UBR4: variants seen among roughly 807,000 people sequenced by gnomAD.
UBR4 encodes E3 ubiquitin-protein ligase UBR4.
UBR4 carries 124 observed loss-of-function variants against 575.6 expected under a neutral mutation model. That is an observed-to-expected ratio of 0.22 (90% CI 0.19 to 0.25). The LOEUF is 0.25. UBR4 is among the 10% of genes least tolerant of loss of function. UBR4 has a pLI of 1.00. For missense variants in UBR4, 4,818 were observed against 6,478.8 expected (o/e 0.74, Z 8.80); for synonymous variants, 2,455 against 2,473.7 (o/e 0.99, Z 0.22).
intron 11 of UBR4, among the ~76,000 whole-genome samples, chr1:19,191,397 C>T (rs141916725): frequency 0.017 from 2,540 of 152,042 alleles, 29 homozygotes; most frequent in Non-Finnish European, 0.027. Flanking sequence ...CTTGAACCCG[C>T]GAAGTGGAGG....
intron 49 of UBR4, among the ~76,000 whole-genome samples, chr1:19,149,977 T>C (rs2085429496): frequency 6.6e-6 from 1 of 152,086 alleles, no homozygotes; most frequent in Non-Finnish European, 1.5e-5. Context: ...TCTTGTGACT[T>C]ACAATGTAAG....
chr1:19,099,738 G>C, intron 89 of UBR4, 61 bp from the exon 90 acceptor site: 1 of 1,470,824 alleles, frequency 6.8e-7, no homozygotes, highest in South Asian at 1.2e-5. Flanking sequence ...TAAAATCCAA[G>C]AGCAAAGGGC....
Position 19,117,519 on chromosome 1 carries a change from A to G in UBR4, c.10630-105T>C. On this transcript the variant is annotated intron_variant, in intron 72 of 105. Transcript: ENST00000375254. The surrounding 1 kb of genome is among the most constrained non-coding windows in gnomAD (Gnocchi z 4.0). ...TCTTCATCCACAAGATGAAGTTTCT[A>G]TTTAATTTTTTAAAAAATATTTTGT... The G allele has an allele frequency of 1.5e-6, 2 of 1,291,446 alleles. No homozygotes were observed. Among genetic ancestry groups the G allele is most frequent in the South Asian group, 1.5e-5 (1 of 67,430 alleles). 80.0% of individuals were successfully genotyped at this position (1,291,446 alleles called of 1,614,324 possible). A position where few individuals can be genotyped will look rare whatever the true frequency, so the allele number is the denominator to read the frequency against.
Position 19,140,776 on chromosome 1 carries a change from G to A in UBR4, c.8593+12C>T. On this transcript the variant is annotated intron_variant, in intron 58 of 105. Coordinates refer to ENST00000375254, the MANE Select transcript of UBR4 (RefSeq NM_020765.3). ...GGGGCCCTGAGCCGTGCTCCTTGCT[G>A]TGGACAGTTACCTGATGCTGTGGTG... 4 of 1,611,330 alleles carry A rather than the reference G, an allele frequency of 2.5e-6. No homozygotes were observed. The highest frequency in any genetic ancestry group is 3.4e-6 in the Non-Finnish European group (4 of 1,179,298).
chr1:19,197,627 A>G, intron 7 of UBR4, 43 bp downstream of exon 7: 1 of 1,604,752 alleles, frequency 6.2e-7, no homozygotes. Context: ...ACCCTGTCCC[A>G]AAAACAAAAA....
chr1:19,131,613 C>T (rs1420520476), intron 60 of UBR4, among the ~76,000 whole-genome samples: 2 of 152,136 alleles, frequency 1.3e-5, no homozygotes, highest in Non-Finnish European at 2.9e-5. Context: ...GTGGCTCATG[C>T]CTGTAATCCT....
chr1:19,114,190 C>T, intron 75 of UBR4, 120 bp from the exon 76 acceptor site: 1 of 1,293,718 alleles, frequency 7.7e-7, no homozygotes, highest in Non-Finnish European at 1.1e-6. Flanking sequence ...GTGTTTCATA[C>T]ATTATCTCTG....
At position 19,139,302 on chromosome 1, in the gene UBR4, G is replaced by C; in HGVS notation, c.8594-82C>G. 6.7e-7 allele frequency: 1 copy of C among 1,493,458 alleles called. No individual in the cohort carries two copies. Among genetic ancestry groups the C allele is most frequent in the Non-Finnish European group, 9.0e-7 (1 of 1,116,312 alleles). 92.5% of individuals were successfully genotyped at this position (1,493,458 alleles called of 1,614,324 possible). A position where few individuals can be genotyped will look rare whatever the true frequency, so the allele number is the denominator to read the frequency against. On this transcript the variant is annotated intron_variant, in intron 58 of 105. Transcript: ENST00000375254. This position sits in a 1 kb window ranked among gnomAD's most constrained non-coding sequence, Gnocchi z 4.2. ...CAAAAAACAAAAAAAACCCCTCCTT[G>C]GGATGAAAGCATCAAACCACATAGT...
chr1:19,195,088 G>A (rs917301889), intron 8 of UBR4, among the ~76,000 whole-genome samples: 13 of 150,600 alleles, frequency 8.6e-5, no homozygotes, highest in Admixed American at 2.0e-4. Flanking sequence ...GTGAAACCCC[G>A]TCTCTACTAA....
At position 19,152,448 on chromosome 1, in the gene UBR4, G is replaced by A; in HGVS notation, c.6861C>T (p.Phe2287=). Residue 2287 remains phenylalanine, a synonymous_variant, in exon 47 of 106, where the codon TTC becomes TTT. Transcript: ENST00000375254. This position sits in a 1 kb window ranked among gnomAD's most constrained non-coding sequence, Gnocchi z 4.4. ...GGTTGTGTTCAAAAAAGTCAATGGG[G>A]AAAGTCACCTGGCTAGACGTGCGGG... ...ITTRTSSQVT[F]PIDFFEHNQQ... 2 of 1,613,922 alleles carry A rather than the reference G, an allele frequency of 1.2e-6. No individual in the cohort carries two copies. Among genetic ancestry groups the A allele is most frequent in the Non-Finnish European group, 1.7e-6 (2 of 1,179,840 alleles).
intron 61 of UBR4, 33 bp from the exon 62 acceptor site, chr1:19,128,351 A>G (rs765351814): frequency 7.6e-6 from 12 of 1,582,880 alleles, no homozygotes; most frequent in Non-Finnish European, 1.0e-5. Context: ...ACAAAACCCA[A>G]TTTCCTAAAG....
intron 64 of UBR4, among the ~76,000 whole-genome samples, chr1:19,126,084 T>C (rs2081735421): frequency 6.6e-6 from 1 of 152,112 alleles, no homozygotes; most frequent in African/African-American, 2.4e-5. Flanking sequence ...ATCTTCTTAA[T>C]AAGTACGTTA....
chr1:19,178,045 G>T (rs1323346791), intron 18 of UBR4, among the ~76,000 whole-genome samples: 1 of 152,024 alleles, frequency 6.6e-6, no homozygotes, highest in Non-Finnish European at 1.5e-5. Context: ...GTCATTTGTG[G>T]CCATGAAAAG....
At position 19,192,204 on chromosome 1, in the gene UBR4, G is replaced by C. The variant is rs773923146; in HGVS notation, c.1378C>G (p.Leu460Val). 6.2e-7 allele frequency: 1 copy of C among 1,613,962 alleles called. No individual in the cohort carries two copies. Among genetic ancestry groups the C allele is most frequent in the Non-Finnish European group, 8.5e-7 (1 of 1,180,014 alleles). The change falls in exon 11 of 106, where the codon CTG becomes GTG. Residue 460 changes from leucine (L) to valine (V), a missense_variant. Around this residue, in one of 29 missense-constraint regions of UBR4, gnomAD observed 162 missense variants for 216.4 expected, o/e 0.75. Transcript: ENST00000375254. The stretch of plus-strand genomic sequence containing the variant: ...GACACATACCCTTTTCCAGGCCCCA[G>C]TTTAGGGGAGCCCACTCCCTCTTTA... ...RTKEGVGSPK[L>V]GPGKGHQGFG...
At chr1:19,186,383 T>A (rs761360315) in intron 14 of UBR4, among the ~76,000 whole-genome samples, 157 bp downstream of exon 14, 2 of 152,188 alleles carry the variant, frequency 1.3e-5, no homozygotes, top group African/African-American at 2.4e-5. Context: ...TTAAATAACA[T>A]GTCATCTTTG....
chr1:19,150,368 G>C (rs2085499862), intron 49 of UBR4, among the ~76,000 whole-genome samples: 1 of 152,152 alleles, frequency 6.6e-6, no homozygotes, highest in African/African-American at 2.4e-5. Context: ...TGTCCAGGGA[G>C]AGACTCTGGT....
rs112399939 is a variant in UBR4 at position 19,166,503 on chromosome 1, C to T, written c.4109+519G>A. Among the ~76,000 whole-genome samples the T allele has an allele frequency of 7.8e-3, 1,192 of 152,158 alleles. 25 individuals are homozygous for T. The highest frequency in any genetic ancestry group is 0.027 in the African/African-American group (1,141 of 41,502). ...ATTCCTAAGAATTAATCACAAAAAA[C>T]GACTCCAAAAAACTCTTCACACATT... is the stretch of plus-strand genomic sequence containing the variant. On this transcript the variant is annotated intron_variant, in intron 29 of 105. Coordinates refer to ENST00000375254, the MANE Select transcript of UBR4 (RefSeq NM_020765.3).
Position 19,077,849 on chromosome 1 carries a change from T to C in UBR4, c.15324+127A>G, listed in dbSNP as rs1452371637. Reference sequence around the variant, plus strand: ...TCCCACAGTTGGGGTTGTTTGTTTCTAGGAAAAAAGCGCCCCCAGGCCCAG... The same window carrying C: ...TCCCACAGTTGGGGTTGTTTGTTTCCAGGAAAAAAGCGCCCCCAGGCCCAG... On this transcript the variant is annotated intron_variant, in intron 104 of 105. Coordinates refer to ENST00000375254, the MANE Select transcript of UBR4 (RefSeq NM_020765.3). 3.8e-6 allele frequency: 6 copies of C among 1,560,758 alleles called. No homozygotes were observed. The East Asian group carries it at 9.6e-5, about 25-fold the overall frequency.
At chr1:19,206,501 A>AT (rs1462530525) in intron 1 of UBR4, among the ~76,000 whole-genome samples, 3 of 152,086 alleles carry the variant, frequency 2.0e-5, no homozygotes, top group Non-Finnish European at 2.9e-5. Context: ...CGCCCAGCTA[A>AT]TTTTTTGTAT....
Sources: allele counts gnomAD v4.1 joint callset (sites outside exome capture counted in the v4.1 genomes callset), GRCh38; gene constraint gnomAD v4.1.1; regional missense constraint gnomAD v4.1.1; non-coding constraint Gnocchi (gnomAD v3.1); transcripts MANE v1.5; gene names NCBI Gene and HGNC (gene_info 2026-07-23, HGNC 2026-07-21).